RASGRF1: variants seen among roughly 807,000 people sequenced by gnomAD.
The protein encoded by RASGRF1 is ras-specific guanine nucleotide-releasing factor 1.
RASGRF1 carries 40 observed loss-of-function variants against 138.7 expected under a neutral mutation model. The observed-to-expected ratio is 0.29, with a 90% CI of 0.22 to 0.38. RASGRF1 has a LOEUF of 0.38. RASGRF1 is among the 10% of genes least tolerant of loss of function. The pLI is 1.00. For missense variants in RASGRF1, 1,108 were observed against 1,650.4 expected (o/e 0.67, Z 5.69); for synonymous variants, 614 against 663.2 (o/e 0.93, Z 1.14).
intron 23 of RASGRF1, among the ~76,000 whole-genome samples, chr15:78,983,088 G>T (rs570939197): frequency 6.6e-6 from 1 of 152,170 alleles, no homozygotes; most frequent in African/African-American, 2.4e-5. Context: ...TCTAAGAAAC[G>T]TGGCCATTTT....
At chr15:79,033,790 A>C (rs983854539) in intron 6 of RASGRF1, among the ~76,000 whole-genome samples, 5 of 151,756 alleles carry the variant, frequency 3.3e-5, no homozygotes, top group Admixed American at 3.3e-4. Flanking sequence ...GGGTTTCACC[A>C]TGTTGGCCAG....
At chr15:78,978,758 G>A (rs8037975) in intron 24 of RASGRF1, 151,678 of 1,118,022 alleles carry the variant, frequency 0.14, 10,771 homozygotes, top group African/African-American at 0.2. Context: ...GAGAGGGGGT[G>A]CGGGAAGCAT....
chr15:78,984,898 GC>G, intron 23 of RASGRF1, 108 bp downstream of exon 23: 1 of 1,224,302 alleles, frequency 8.2e-7, no homozygotes. Flanking sequence ...TTAGACCTCA[GC>G]CCAGTACTTT....
intron 5 of RASGRF1, 69 bp from the exon 6 acceptor site, chr15:79,035,279 A>T (rs1481296465): frequency 2.3e-6 from 3 of 1,319,234 alleles, no homozygotes; most frequent in Non-Finnish European, 3.2e-6. Flanking sequence ...GACTGTCCCC[A>T]AACCTCCTGC....
At chr15:79,086,552 G>C (rs1317825184) in intron 1 of RASGRF1, among the ~76,000 whole-genome samples, 3 of 146,288 alleles carry the variant, frequency 2.1e-5, no homozygotes, top group African/African-American at 7.9e-5. Flanking sequence ...AGGGAACTAA[G>C]TGGGTAGACA....
intron 15 of RASGRF1, among the ~76,000 whole-genome samples, chr15:79,002,774 T>C (rs988013457): frequency 1.3e-5 from 2 of 152,204 alleles, no homozygotes; most frequent in African/African-American, 4.8e-5. Context: ...TGTTACTTGG[T>C]ATGGAGCCTG....
rs2056531835 is a variant in RASGRF1, at chr15:79,001,736, T to C, written c.2501A>G (p.Asp834Gly). 1 of 1,610,388 alleles carries C rather than the reference T, an allele frequency of 6.2e-7. No individual in the cohort carries two copies. Among genetic ancestry groups the C allele is most frequent in the Non-Finnish European group, 8.5e-7 (1 of 1,176,766 alleles). ...TGGTGATGTTTCAGTATCACCATCATCACTCTGGTTTTGATCAATATCTGA... is the reference window on the plus strand; with the variant it reads ...TGGTGATGTTTCAGTATCACCATCACCACTCTGGTTTTGATCAATATCTGA... ...EESDIDQNQS[D>G]DGDTETSPTK... Residue 834 changes from aspartate (D) to glycine (G), a missense_variant, in exon 16 of 27, where the codon GAT becomes GGT. Physicochemically the swap from Asp to Gly is moderately conservative, Grantham distance 94. Transcript: ENST00000558480.
chr15:78,979,027 G>T, intron 24 of RASGRF1: 1 of 1,293,386 alleles, frequency 7.7e-7, no homozygotes, highest in Non-Finnish European at 1.0e-6. Context: ...TGGTGGCGGC[G>T]GCAGACGAGG....
In RASGRF1 at chr15:79,061,413, A is replaced by ATAT. The variant is rs1567598878; in HGVS notation, c.384-2933_384-2932insATA. On this transcript the variant is annotated intron_variant, in intron 2 of 26. Coordinates refer to ENST00000558480, the MANE Select transcript of RASGRF1 (RefSeq NM_001145648.3). ...TAGAAAATTAGAACACTATCTTTAA[A>ATAT]ATATATATATATATATATCATTCAT... 6.8e-5 allele frequency among the ~76,000 whole-genome samples: 8 copies of ATAT among 117,054 alleles called. No homozygotes were observed. In the East Asian group the frequency reaches 7.7e-4, roughly 11 times the overall value. 76.8% of individuals were successfully genotyped at this position (117,054 alleles called of 152,430 possible). A position where few individuals can be genotyped will look rare whatever the true frequency, so the allele number is the denominator to read the frequency against.
intron 13 of RASGRF1, among the ~76,000 whole-genome samples, 161 bp downstream of exon 13, chr15:79,015,166 A>C (rs2056860838): frequency 6.6e-6 from 1 of 152,130 alleles, no homozygotes; most frequent in Non-Finnish European, 1.5e-5. Context: ...CAATCACCCA[A>C]CTCAAAACAA....
intron 2 of RASGRF1, among the ~76,000 whole-genome samples, chr15:79,063,535 C>A (rs1390934855): frequency 1.3e-5 from 2 of 152,218 alleles, no homozygotes; most frequent in African/African-American, 4.8e-5. Flanking sequence ...GCTTTGCATC[C>A]ATCCTCCAAC....
In RASGRF1 at chr15:79,050,785, C is replaced by T. The variant is rs1356828464; in HGVS notation, c.532-1197G>A. On this transcript the variant is annotated intron_variant, in intron 3 of 26. Coordinates refer to ENST00000558480, the MANE Select transcript of RASGRF1 (RefSeq NM_001145648.3). The surrounding 1 kb of genome is among the most constrained non-coding windows in gnomAD (Gnocchi z 4.1). ...GTGGTGTATCCTCCTGCGCAGGGCTCGTCCAACCACTCCAATTCTGTGAGT... is the reference window on the plus strand; with the variant it reads ...GTGGTGTATCCTCCTGCGCAGGGCTTGTCCAACCACTCCAATTCTGTGAGT... Among the ~76,000 whole-genome samples, 1 of 152,194 alleles carries T rather than the reference C, an allele frequency of 6.6e-6. No homozygotes were observed. Among genetic ancestry groups the T allele is most frequent in the African/African-American group, 2.4e-5 (1 of 41,444 alleles).
chr15:78,986,232 C>A (rs1198954325), intron 22 of RASGRF1, among the ~76,000 whole-genome samples: 9 of 152,022 alleles, frequency 5.9e-5, no homozygotes, highest in Admixed American at 5.9e-4. Context: ...GGATCTGGAG[C>A]AGCTGGGGAT....
intron 23 of RASGRF1, 66 bp downstream of exon 23, chr15:78,984,941 C>T (rs771943800): frequency 3.8e-5 from 58 of 1,534,128 alleles, no homozygotes; most frequent in Non-Finnish European, 4.8e-5. Flanking sequence ...GGCCAGCCCA[C>T]GGGTCTTCCT....
chr15:78,993,384 T>TGG (rs767028782), intron 20 of RASGRF1, among the ~76,000 whole-genome samples: 1 of 144,014 alleles, frequency 6.9e-6, no homozygotes, highest in African/African-American at 2.6e-5. Context: ...TGTGTGTGTG[T>TGG]GGGTGTGTGT....
intron 1 of RASGRF1, among the ~76,000 whole-genome samples, chr15:79,083,565 G>A (rs746695160): frequency 1.3e-5 from 2 of 152,188 alleles, no homozygotes; most frequent in Non-Finnish European, 2.9e-5. Flanking sequence ...TCACTGGCGC[G>A]ACTGTGACAT....
At chr15:79,058,100 T>G (rs2057534506) in intron 3 of RASGRF1, among the ~76,000 whole-genome samples, 1 of 152,216 alleles carries the variant, frequency 6.6e-6, no homozygotes, top group South Asian at 2.1e-4. Context: ...ACAGGCACAT[T>G]GAGGGACTTG....
chr15:79,017,973 A>G lies in RASGRF1; in HGVS notation c.1607-67T>C, dbSNP rs918113835. 21 of 1,593,096 alleles carry G rather than the reference A, an allele frequency of 1.3e-5. No individual in the cohort carries two copies. The African/African-American group carries it at 2.3e-4, about 17-fold the overall frequency. On this transcript the variant is annotated intron_variant, in intron 11 of 26. Coordinates refer to ENST00000558480, the MANE Select transcript of RASGRF1 (RefSeq NM_001145648.3). ...CGCCTTTTCAGGTGGAAAATGTTTT[A>G]GTGGTCCCTGTCGTACGTACCAGTG...
chr15:78,995,812 C>T lies in RASGRF1; in HGVS notation c.2967-12G>A, dbSNP rs745353682. On this transcript the variant is annotated splice_polypyrimidine_tract_variant and intron_variant, in intron 19 of 26. Transcript: ENST00000558480. ...CCTGGGTCAGAGTCCTAGGCAGGAGCGAGAAGGCACGGTGAGCCCCACTTC... is the reference window on the plus strand; with the variant it reads ...CCTGGGTCAGAGTCCTAGGCAGGAGTGAGAAGGCACGGTGAGCCCCACTTC... 59 of 1,613,870 alleles carry T rather than the reference C, an allele frequency of 3.7e-5. No individual in the cohort carries two copies. The highest frequency in any genetic ancestry group is 4.4e-5 in the Non-Finnish European group (52 of 1,180,004).
Sources: gnomAD v4.1 joint callset for allele counts (sites outside exome capture counted in the v4.1 genomes callset) on GRCh38, gnomAD v4.1.1 for gene constraint, Gnocchi (gnomAD v3.1) non-coding constraint, MANE v1.5 for transcripts, NCBI Gene and HGNC (gene_info 2026-07-23, HGNC 2026-07-21) for gene names.